The following DYSF variants were observed in gnomAD, a reference collection of about 807,000 sequenced individuals.
DYSF encodes dysferlin.
In DYSF, 212 loss-of-function variants were observed where a neutral mutation model predicts 274.9. The observed-to-expected ratio is 0.77, with a 90% CI of 0.69 to 0.86. The LOEUF (loss-of-function observed/expected upper bound fraction) is 0.86. Among genes scored for constraint, DYSF ranks in the 40% least tolerant of loss-of-function variants. The pLI, the probability that DYSF is intolerant of heterozygous loss-of-function variation, is 0.00. For missense variants in DYSF, 2,666 were observed against 2,783.2 expected, an observed-to-expected ratio of 0.96 and a Z score of 0.95; for synonymous variants, 1,091 against 1,078.7, an observed-to-expected ratio of 1.01 and a Z score of -0.22.
At chr2:71,618,557 G>GTGTGTGTGTGGTA (rs2093994575) in intron 40 of DYSF, among the ~76,000 whole-genome samples, 1 of 142,310 alleles carries the variant, frequency 7.0e-6, no homozygotes. Context: ...TGGTAGAGGT[G>GTGTGTGTGTGGTA]GAGTGTGTGT....
rs2093790724 is a variant in DYSF at position 71,612,657 on chromosome 2, A to G, written c.4238A>G (p.Glu1413Gly). The G allele has an allele frequency of 6.2e-7, 1 of 1,613,898 alleles. No homozygotes were observed. The highest frequency in any genetic ancestry group is 8.5e-7 in the Non-Finnish European group (1 of 1,179,950). ...TCCACCCAGATGCTGCCCAGGGAGG[A>G]GCTCTACTGCCCCCCCATCACCGTC... ...LFMEVMLPREELYCPPITVKV... is the reference protein window; with the variant it reads ...LFMEVMLPREGLYCPPITVKV... Residue 1413 changes from glutamate (E) to glycine (G), a missense_variant, in exon 39 of 56, where the codon GAG (glutamate) becomes GGG (glycine). Physicochemically the swap from Glu to Gly is moderately conservative, Grantham distance 98. This residue lies in a region of DYSF where 1,460 missense variants were observed against 1,502.1 expected (regional missense o/e 0.97). Transcript: ENST00000410020.
At chr2:71,542,632 T>G (rs567814810) in intron 17 of DYSF, among the ~76,000 whole-genome samples, 42 of 152,272 alleles carry the variant, frequency 2.8e-4, no homozygotes, top group Non-Finnish European at 4.4e-4. Context: ...TGCACCGCCC[T>G]TAATCCATTT....
At chr2:71,554,320 G>C (rs2091187835) in intron 21 of DYSF, among the ~76,000 whole-genome samples, 1 of 152,250 alleles carries the variant, frequency 6.6e-6, no homozygotes, top group African/African-American at 2.4e-5. Flanking sequence ...CTAGAGGCGA[G>C]AGGTGAGCAA....
rs114321706 is a variant in DYSF, at chr2:71,584,649, T to C, written c.3403-4944T>C. Among the ~76,000 whole-genome samples the C allele has an allele frequency of 6.4e-3, 975 of 152,258 alleles. 7 individuals are homozygous for C. Among genetic ancestry groups the C allele is most frequent in the African/African-American group, 0.022 (905 of 41,536 alleles). The stretch of plus-strand genomic sequence containing the variant: ...ATTGACTGCATGTGATAAATCTTCA[T>C]TGGACGCCCACTACATGCTCGATGT... On this transcript the variant is annotated intron_variant, in intron 30 of 55. Transcript: ENST00000410020.
At chr2:71,466,459 G>T (rs1028355529), upstream of DYSF, among the ~76,000 whole-genome samples, 1 of 152,176 alleles carries the variant, frequency 6.6e-6, no homozygotes, top group Non-Finnish European at 1.5e-5. Flanking sequence ...CGCGGAGCAG[G>T]CCCCACGGCG....
At chr2:71,546,300 A>G (rs1640525441) in intron 17 of DYSF, among the ~76,000 whole-genome samples, 1 of 152,184 alleles carries the variant, frequency 6.6e-6, no homozygotes, top group South Asian at 2.1e-4. Context: ...CAACACTTCT[A>G]TTTCCTCACT....
intron 53 of DYSF, among the ~76,000 whole-genome samples, chr2:71,680,264 T>G (rs1390775988): frequency 6.6e-6 from 1 of 152,160 alleles, no homozygotes; most frequent in East Asian, 1.9e-4. Context: ...TTAAATGTGT[T>G]TTTTTTGTCT....
At chr2:71,500,924 A>T (rs1225237016) in intron 3 of DYSF, among the ~76,000 whole-genome samples, 2 of 152,036 alleles carry the variant, frequency 1.3e-5, no homozygotes, top group Non-Finnish European at 2.9e-5. Flanking sequence ...TTTTCTCGTG[A>T]TGGGCAGGGT....
chr2:71,600,817 CTT>C lies in DYSF; in HGVS notation c.3875_3876del (p.Phe1292Ter), dbSNP rs746550913. The stretch of plus-strand genomic sequence containing the variant: ...CAGCCGTCGGGGGAGCTGCTGGCCT[CTT>C]TTGAGCTCATCCAGAGAGAGAAGGT... On this transcript the variant is annotated frameshift_variant, in exon 34 of 56. Coordinates refer to ENST00000410020, the MANE Select transcript of DYSF (RefSeq NM_001130987.2). LOFTEE classifies it high-confidence loss of function. 6.2e-7 allele frequency: 1 copy of C among 1,612,726 alleles called. No homozygotes were observed. The highest frequency in any genetic ancestry group is 1.1e-5 in the South Asian group (1 of 91,088).
chr2:71,555,623 A>C (rs2091282267), intron 21 of DYSF, among the ~76,000 whole-genome samples: 1 of 152,124 alleles, frequency 6.6e-6, no homozygotes, highest in Non-Finnish European at 1.5e-5. Flanking sequence ...AGGCTCGGAG[A>C]GGGCCACTTA....
intron 16 of DYSF, among the ~76,000 whole-genome samples, chr2:71,537,223 G>GTT (rs71402990): frequency 0.013 from 1,053 of 79,522 alleles, 17 homozygotes; most frequent in East Asian, 0.04. Flanking sequence ...TTCTAGTTTT[G>GTT]TTTTTTTTTT....
rs13389635 is a variant in DYSF, at chr2:71,503,019, C to T, written c.240-195C>T. 0.047 allele frequency among the ~76,000 whole-genome samples: 7,199 copies of T among 152,154 alleles called. 227 individuals carry two copies. Among genetic ancestry groups the T allele is most frequent in the African/African-American group, 0.057 (2,366 of 41,512 alleles). ...TCCCTTCCCATGCCCAAGTATTTCC[C>T]TAGGGGCCAGGCCTTCCAGGGATGG... On this transcript the variant is annotated intron_variant, in intron 3 of 55. Coordinates refer to ENST00000410020, the MANE Select transcript of DYSF (RefSeq NM_001130987.2).
intron 41 of DYSF, among the ~76,000 whole-genome samples, chr2:71,643,300 C>T (rs545695170): frequency 2.0e-4 from 31 of 152,272 alleles, no homozygotes; most frequent in Admixed American, 5.2e-4. Flanking sequence ...AGGAAGGATG[C>T]GGATGTCACA....
chr2:71,486,877 C>T (rs774513822), intron 3 of DYSF, among the ~76,000 whole-genome samples: 14 of 152,228 alleles, frequency 9.2e-5, no homozygotes, highest in Non-Finnish European at 1.8e-4. Context: ...CGAGGCTTCT[C>T]AGAGAGAAGC....
Position 71,679,086 on chromosome 2 carries a change from CCCAAGCCAG to C in DYSF, c.5920_5928del (p.Pro1974_Lys1976del), listed in dbSNP as rs2095263032. 1 of 1,614,004 alleles carries C rather than the reference CCCAAGCCAG, an allele frequency of 6.2e-7. No homozygotes were observed. Among genetic ancestry groups the C allele is most frequent in the Non-Finnish European group, 8.5e-7 (1 of 1,179,914 alleles). Reference sequence around the variant, plus strand: ...CCTGCAGCTCGATCTCAACCGCATGCCCAAGCCAGCCAAGACAGCCAAGAAGTGCTCCTT... The same window carrying C: ...CCTGCAGCTCGATCTCAACCGCATGCCCAAGACAGCCAAGAAGTGCTCCTT... On this transcript the variant is annotated inframe_deletion, in exon 53 of 56. Transcript: ENST00000410020.
intron 4 of DYSF, among the ~76,000 whole-genome samples, chr2:71,506,397 G>A (rs760356975): frequency 2.6e-5 from 4 of 152,162 alleles, no homozygotes; most frequent in Non-Finnish European, 5.9e-5. Flanking sequence ...AGACGAGGGC[G>A]ACCGAGGTTA....
At position 71,520,827 on chromosome 2, in the gene DYSF, C is replaced by A; in HGVS notation, c.1072C>A (p.Pro358Thr). The change falls in exon 12 of 56, where the codon CCT (proline) becomes ACT (threonine). Residue 358 changes from proline (P) to threonine (T), a missense_variant. Pro to Thr is a conservative substitution (Grantham distance 38, BLOSUM62 -1). Transcript: ENST00000410020. Reference protein sequence around the residue: ...YLRKWLLLSDPDDFSAGARGY... With the variant: ...YLRKWLLLSDTDDFSAGARGY... The stretch of plus-strand genomic sequence containing the variant: ...CAGGAAGTGGCTGCTGCTCTCAGAC[C>A]CTGATGACTTCTCTGCTGGGGCCAG... 1.2e-6 allele frequency: 2 copies of A among 1,614,044 alleles called. No homozygotes were observed. Among genetic ancestry groups the A allele is most frequent in the Admixed American group, 1.7e-5 (1 of 60,016 alleles).
intron 2 of DYSF, among the ~76,000 whole-genome samples, 163 bp from the exon 3 acceptor site, chr2:71,481,716 A>ATCCG (rs775946596): frequency 2.0e-5 from 3 of 151,518 alleles, no homozygotes; most frequent in Non-Finnish European, 4.4e-5. Context: ...CCATCCATCC[A>ATCCG]TCCATCCATC....
intron 3 of DYSF, among the ~76,000 whole-genome samples, chr2:71,492,532 G>A (rs945752742): frequency 6.6e-6 from 1 of 152,114 alleles, no homozygotes; most frequent in East Asian, 1.9e-4. Flanking sequence ...ATGAGAAATG[G>A]ATACATGGTA....
Sources: allele counts gnomAD v4.1 joint callset (sites outside exome capture counted in the v4.1 genomes callset), GRCh38; gene constraint gnomAD v4.1.1; regional missense constraint gnomAD v4.1.1; transcripts MANE v1.5; gene names NCBI Gene and HGNC (gene_info 2026-07-23, HGNC 2026-07-21).